IMMP2L: variants seen among roughly 807,000 people sequenced by gnomAD.
The protein encoded by IMMP2L is mitochondrial inner membrane protease subunit 2.
IMMP2L carries 18 observed loss-of-function variants against 19.3 expected under a neutral mutation model. The observed-to-expected ratio is 0.93, with a 90% CI of 0.64 to 1.38. IMMP2L has a LOEUF of 1.38. Ranked by LOEUF, IMMP2L falls within the 40% of genes most tolerant of loss-of-function variation. The probability of loss-of-function intolerance (pLI) is 0.00; values close to 1 mark genes in which losing one functional copy is unlikely to be tolerated. For synonymous variants in IMMP2L, 76 were observed against 73.0 expected (o/e 1.04, Z -0.21); for missense variants, 233 against 218.2 (o/e 1.07, Z -0.43).
intron 5 of IMMP2L, among the ~76,000 whole-genome samples, chr7:110,772,872 C>T (rs1276701993): frequency 6.6e-6 from 1 of 152,064 alleles, no homozygotes; most frequent in South Asian, 2.1e-4. Flanking sequence ...GGACCAAGTG[C>T]AGTAAATGAC....
chr7:110,939,018 G>A (rs1320162307), intron 4 of IMMP2L, among the ~76,000 whole-genome samples: 1 of 152,116 alleles, frequency 6.6e-6, no homozygotes, highest in Non-Finnish European at 1.5e-5. Flanking sequence ...TTGCCACTGA[G>A]AAGCTAAGTT....
intron 5 of IMMP2L, among the ~76,000 whole-genome samples, chr7:110,749,600 C>A (rs913791613): frequency 9.2e-5 from 14 of 152,204 alleles, no homozygotes; most frequent in African/African-American, 2.9e-4. Context: ...TTTGCAGGGA[C>A]ATGGATGATG....
At chr7:110,836,877 C>T (rs1804536513) in intron 5 of IMMP2L, among the ~76,000 whole-genome samples, 1 of 151,996 alleles carries the variant, frequency 6.6e-6, no homozygotes, top group South Asian at 2.1e-4. Flanking sequence ...AATAAGGATC[C>T]CCAGGGTGCA....
chr7:111,194,072 C>T (rs1380827002), intron 3 of IMMP2L, among the ~76,000 whole-genome samples: 1 of 152,156 alleles, frequency 6.6e-6, no homozygotes, highest in Non-Finnish European at 1.5e-5. Flanking sequence ...ATACCATGGC[C>T]TGGTCATATG....
chr7:111,436,181 C>A (rs1837149861), intron 3 of IMMP2L, among the ~76,000 whole-genome samples: 1 of 151,380 alleles, frequency 6.6e-6, no homozygotes, highest in African/African-American at 2.4e-5. Context: ...GAGAACCTGT[C>A]CAGTAAGACT....
At chr7:110,847,082 T>C (rs1805739432) in intron 5 of IMMP2L, among the ~76,000 whole-genome samples, 1 of 152,212 alleles carries the variant, frequency 6.6e-6, no homozygotes, top group Admixed American at 6.5e-5. Context: ...AAATATTACA[T>C]TTGTGTATCT....
intron 4 of IMMP2L, among the ~76,000 whole-genome samples, chr7:110,946,343 T>C (rs889727118): frequency 2.4e-4 from 37 of 152,186 alleles, no homozygotes; most frequent in African/African-American, 8.4e-4. Context: ...ATATATATGG[T>C]CCTCTACAAT....
intron 3 of IMMP2L, among the ~76,000 whole-genome samples, chr7:111,203,719 G>T (rs1015610447): frequency 6.6e-6 from 1 of 151,188 alleles, no homozygotes; most frequent in East Asian, 1.9e-4. Flanking sequence ...CTGGAGGAAG[G>T]GACATAGGTT....
At chr7:110,703,580 T>C (rs911291631) in intron 5 of IMMP2L, among the ~76,000 whole-genome samples, 6 of 152,184 alleles carry the variant, frequency 3.9e-5, no homozygotes, top group Non-Finnish European at 5.9e-5. Flanking sequence ...TAGATAAATA[T>C]ACAAAATCAG....
chr7:111,185,542 G>T (rs1368707057), intron 3 of IMMP2L, among the ~76,000 whole-genome samples: 1 of 152,006 alleles, frequency 6.6e-6, no homozygotes, highest in Non-Finnish European at 1.5e-5. Flanking sequence ...AGGATAAAAA[G>T]AACCTAACAA....
intron 3 of IMMP2L, among the ~76,000 whole-genome samples, chr7:111,203,569 C>CTT (rs199683002): frequency 0.012 from 1,585 of 127,766 alleles, 41 homozygotes; most frequent in African/African-American, 0.037. Flanking sequence ...TATACTGGTT[C>CTT]TTTTTTTTTT....
At chr7:111,498,128 T>C (rs1217868282) in intron 2 of IMMP2L, among the ~76,000 whole-genome samples, 1 of 152,088 alleles carries the variant, frequency 6.6e-6, no homozygotes, top group Non-Finnish European at 1.5e-5. Context: ...CTTCAGTATT[T>C]AAGCATCTCT....
chr7:110,910,126 A>G (rs1461089156), intron 4 of IMMP2L, among the ~76,000 whole-genome samples: 3 of 152,160 alleles, frequency 2.0e-5, no homozygotes, highest in Admixed American at 6.6e-5. Context: ...AAAACACAGT[A>G]TACAGGAACG....
intron 5 of IMMP2L, among the ~76,000 whole-genome samples, chr7:110,764,389 AAT>A (rs1249003236): frequency 6.6e-6 from 1 of 152,108 alleles, no homozygotes; most frequent in African/African-American, 2.4e-5. Context: ...ATCATAAAGC[AAT>A]ATATGAGTCC....
intron 3 of IMMP2L, among the ~76,000 whole-genome samples, chr7:111,141,689 G>A (rs182596420): frequency 1.3e-5 from 2 of 151,988 alleles, no homozygotes; most frequent in Non-Finnish European, 1.5e-5. Context: ...ATGAACACAC[G>A]TGCTCAATCA....
intron 3 of IMMP2L, among the ~76,000 whole-genome samples, chr7:111,366,969 T>C (rs7790826): frequency 0.022 from 3,274 of 151,998 alleles, 123 homozygotes; most frequent in African/African-American, 0.075. Context: ...TGTACCATCT[T>C]TGCAACTTTG....
At chr7:110,982,796 G>A (rs1821441997) in intron 3 of IMMP2L, among the ~76,000 whole-genome samples, 1 of 151,970 alleles carries the variant, frequency 6.6e-6, no homozygotes, top group South Asian at 2.1e-4. Flanking sequence ...GGTATTTTTT[G>A]TAAGTAGGAT....
chr7:110,770,640 C>T (rs1372905334), intron 5 of IMMP2L, among the ~76,000 whole-genome samples: 3 of 152,096 alleles, frequency 2.0e-5, no homozygotes, highest in Non-Finnish European at 4.4e-5. Flanking sequence ...TCCTATTGAG[C>T]AGATCTGCAT....
intron 1 of IMMP2L, among the ~76,000 whole-genome samples, chr7:111,539,370 T>C (rs904190231): frequency 9.2e-5 from 14 of 152,114 alleles, no homozygotes; most frequent in African/African-American, 3.4e-4. Context: ...AACACTCTTG[T>C]CCAAAAGCAG....
Sources: gnomAD v4.1 joint callset for allele counts (sites outside exome capture counted in the v4.1 genomes callset) on GRCh38, gnomAD v4.1.1 for gene constraint, MANE v1.5 for transcripts, NCBI Gene and HGNC (gene_info 2026-07-23, HGNC 2026-07-21) for gene names.